ZNF831: variants seen among roughly 807,000 people sequenced by gnomAD.
ZNF831 encodes zinc finger protein 831.
ZNF831 carries 59 observed loss-of-function variants against 95.8 expected under a neutral mutation model. The ratio of observed to expected loss-of-function variants is 0.62; its 90% CI spans 0.50 to 0.77. The LOEUF (loss-of-function observed/expected upper bound fraction) is 0.77, where lower values mean the gene tolerates loss of function less well. Ranked by LOEUF, ZNF831 falls within the 30% of genes least tolerant of loss-of-function variation. The probability of loss-of-function intolerance (pLI) is 0.00; values close to 1 mark genes in which losing one functional copy is unlikely to be tolerated. For synonymous variants in ZNF831, 961 were observed against 925.5 expected, an observed-to-expected ratio of 1.04 and a Z score of -0.70; for missense variants, 2,205 against 2,164.0, an observed-to-expected ratio of 1.02 and a Z score of -0.38.
chr20:59,230,479 C>A (rs1366996072), intron 4 of ZNF831, among the ~76,000 whole-genome samples: 1 of 149,402 alleles, frequency 6.7e-6, no homozygotes, highest in African/African-American at 2.5e-5. Context: ...GACTCTGTCT[C>A]ACAAAAATAA....
At chr20:59,227,714 G>A (rs888669220) in intron 4 of ZNF831, among the ~76,000 whole-genome samples, 1 of 152,166 alleles carries the variant, frequency 6.6e-6, no homozygotes, top group Middle Eastern at 3.2e-3. Flanking sequence ...AATAAGAATA[G>A]TAGTAGGAAT....
chr20:59,199,665 T>C (rs915047352), intron 3 of ZNF831, among the ~76,000 whole-genome samples: 2 of 152,188 alleles, frequency 1.3e-5, no homozygotes, highest in Admixed American at 6.5e-5. Context: ...TTTTAAGTGA[T>C]GAATATAATT....
chr20:59,159,260 C>A (rs1478874576), upstream of ZNF831, among the ~76,000 whole-genome samples: 1 of 151,924 alleles, frequency 6.6e-6, no homozygotes, highest in Non-Finnish European at 1.5e-5. Flanking sequence ...GAGATAAGGA[C>A]TAGCAACCCA....
At chr20:59,142,535 T>C (rs1979715431) in intron 1 of ZNF831, among the ~76,000 whole-genome samples, 1 of 152,134 alleles carries the variant, frequency 6.6e-6, no homozygotes, top group Admixed American at 6.5e-5. Flanking sequence ...GACGTTAGGG[T>C]GCGCAGAACC....
chr20:59,243,624 T>C (rs1987449285), intron 4 of ZNF831, among the ~76,000 whole-genome samples: 1 of 152,178 alleles, frequency 6.6e-6, no homozygotes, highest in Admixed American at 6.5e-5. Context: ...TCCCTCCTTG[T>C]TTCTCTGACT....
chr20:59,238,563 A>G (rs1313887949), intron 4 of ZNF831, among the ~76,000 whole-genome samples: 5 of 152,202 alleles, frequency 3.3e-5, no homozygotes, highest in Non-Finnish European at 7.3e-5. Context: ...CTTTGCCACA[A>G]AGGAAAGGCC....
Position 59,194,068 on chromosome 20 carries a change from A to G in ZNF831, c.3049A>G (p.Arg1017Gly). The G allele has an allele frequency of 1.3e-6, 2 of 1,531,684 alleles. No homozygotes were observed. Among genetic ancestry groups the G allele is most frequent in the Non-Finnish European group, 1.8e-6 (2 of 1,140,620 alleles). The allele number at this position is 1,531,684 out of a possible 1,614,324, so 94.9% of individuals were successfully genotyped here. Residue 1017 changes from arginine (R) to glycine (G), a missense_variant, in exon 2 of 6, where the codon AGA (arginine) becomes GGA (glycine). Transcript: ENST00000371030. The stretch of plus-strand genomic sequence containing the variant: ...CAGCTGTTCCAGGCCACAGGATGGG[A>G]GAAAAGGGGCACAGTTGGGGGGGGA... ...DPSCSRPQDG[R>G]KGAQLGGDKG...
rs201549554 is a variant in ZNF831 at position 59,254,553 on chromosome 20, G to A, written c.4844G>A (p.Arg1615His). The A allele has an allele frequency of 8.0e-5, 129 of 1,613,936 alleles. No homozygotes were observed. Among genetic ancestry groups the A allele is most frequent in the Admixed American group, 2.7e-4 (16 of 59,998 alleles). The change falls in exon 6 of 6, where the codon CGT becomes CAT. Residue 1615 changes from arginine to histidine, a missense_variant. Physicochemically the swap from Arg to His is conservative, Grantham distance 29. Transcript: ENST00000371030. The surrounding 1 kb of genome is among the most constrained non-coding windows in gnomAD (Gnocchi z 4.5). ...CPSLGSDGRK[R>H]QVSGLITRKD... ...TCTTTAGGAAGTGACGGTAGGAAAC[G>A]TCAGGTATCTGGATTAATCACTCGG...
chr20:59,203,755 T>A (rs772263107), intron 3 of ZNF831, among the ~76,000 whole-genome samples: 4 of 152,216 alleles, frequency 2.6e-5, no homozygotes, highest in Non-Finnish European at 5.9e-5. Flanking sequence ...TGAAAATGGT[T>A]GTTTTCATTA....
chr20:59,154,447 C>T lies in ZNF831; in HGVS notation c.-1280-5205C>T, dbSNP rs368741982. Among the ~76,000 whole-genome samples, 13 of 152,318 alleles carry T rather than the reference C, an allele frequency of 8.5e-5. No homozygotes were observed. In the South Asian group the frequency reaches 1.2e-3, roughly 15 times the overall value. On this transcript the variant is annotated intron_variant, in intron 2 of 7. Transcript: ENST00000637017. The stretch of plus-strand genomic sequence containing the variant: ...TGTGAAGCCGAAGCGGTCTCTACCC[C>T]AATCCCCTGCGATTGGTACCTCCTT...
chr20:59,211,326 A>G (rs544499845), intron 4 of ZNF831, among the ~76,000 whole-genome samples: 1 of 152,332 alleles, frequency 6.6e-6, no homozygotes, highest in South Asian at 2.1e-4. Flanking sequence ...GCAATTAGGA[A>G]GGACATGGAG....
chr20:59,158,196 A>G (rs763658474), intron 2 of ZNF831, among the ~76,000 whole-genome samples: 12 of 152,178 alleles, frequency 7.9e-5, no homozygotes, highest in Admixed American at 7.9e-4. Context: ...GCCCGTGGCG[A>G]CAGGGAGCTG....
intron 2 of ZNF831, among the ~76,000 whole-genome samples, chr20:59,158,156 G>A (rs531291864): frequency 3.6e-4 from 55 of 152,162 alleles, no homozygotes; most frequent in Non-Finnish European, 4.0e-4. Context: ...TTCCTCAGGC[G>A]CTTTCATTAT....
At chr20:59,224,221 C>G (rs552150744) in intron 4 of ZNF831, among the ~76,000 whole-genome samples, 2 of 152,332 alleles carry the variant, frequency 1.3e-5, no homozygotes, top group African/African-American at 4.8e-5. Flanking sequence ...CCAACAAGTG[C>G]GTGCTCTGCA....
intron 4 of ZNF831, among the ~76,000 whole-genome samples, chr20:59,246,301 T>C (rs374252713): frequency 8.5e-5 from 13 of 152,360 alleles, no homozygotes; most frequent in Middle Eastern, 6.8e-3. Context: ...TATGAAGTCA[T>C]AGTGCTCTGA....
At chr20:59,176,595 C>A (rs1982184011) in intron 1 of ZNF831, among the ~76,000 whole-genome samples, 1 of 152,164 alleles carries the variant, frequency 6.6e-6, no homozygotes, top group Admixed American at 6.5e-5. Context: ...GAGTAACCCC[C>A]CTAGACCCAC....
chr20:59,166,144 A>G (rs186215259), intron 1 of ZNF831, among the ~76,000 whole-genome samples: 299 of 152,292 alleles, frequency 2.0e-3, no homozygotes, highest in Non-Finnish European at 3.6e-3. Flanking sequence ...TTTCCTTTGA[A>G]TATATAAGGG....
At chr20:59,153,877 A>T (rs1261388549) in intron 2 of ZNF831, among the ~76,000 whole-genome samples, 2 of 152,202 alleles carry the variant, frequency 1.3e-5, no homozygotes, top group African/African-American at 2.4e-5. Flanking sequence ...CTACTCCTTC[A>T]AGGAGCACAT....
intron 1 of ZNF831, among the ~76,000 whole-genome samples, chr20:59,188,424 T>C (rs1983235033): frequency 2.0e-5 from 3 of 152,224 alleles, no homozygotes; most frequent in Non-Finnish European, 4.4e-5. Context: ...GGATGAAGCA[T>C]CTTTTTATGT....
Sources: allele counts gnomAD v4.1 joint callset (sites outside exome capture counted in the v4.1 genomes callset), GRCh38; gene constraint gnomAD v4.1.1; non-coding constraint Gnocchi (gnomAD v3.1); transcripts MANE v1.5; gene names NCBI Gene and HGNC (gene_info 2026-07-23, HGNC 2026-07-21).